The following PSME4 variants were observed in gnomAD, a reference collection of about 807,000 sequenced individuals.
The protein encoded by PSME4 is proteasome activator complex subunit 4.
PSME4 carries 89 observed loss-of-function variants against 253.9 expected under a neutral mutation model. That is an observed-to-expected ratio of 0.35 (90% confidence interval 0.30 to 0.42). The LOEUF is 0.42. Among genes scored for constraint, PSME4 ranks in the 10% least tolerant of loss-of-function variants. The probability of loss-of-function intolerance (pLI) is 1.00; values close to 1 mark genes in which losing one functional copy is unlikely to be tolerated. For synonymous variants in PSME4, 851 were observed against 759.2 expected, an observed-to-expected ratio of 1.12 and a Z score of -1.99; for missense variants, 2,014 against 2,195.2, an observed-to-expected ratio of 0.92 and a Z score of 1.65.
intron 36 of PSME4, among the ~76,000 whole-genome samples, chr2:53,890,447 T>C (rs1437113629): frequency 6.6e-6 from 1 of 152,166 alleles, no homozygotes; most frequent in Admixed American, 6.6e-5. Flanking sequence ...GCATGGACTA[T>C]AGGTGTGTGC....
chr2:53,951,099 C>T (rs1268036678), intron 1 of PSME4, among the ~76,000 whole-genome samples: 1 of 151,876 alleles, frequency 6.6e-6, no homozygotes, highest in Non-Finnish European at 1.5e-5. Context: ...TTTTTTCCCC[C>T]CAAGACACAG....
At chr2:53,932,257 T>C (rs1668867378) in intron 9 of PSME4, among the ~76,000 whole-genome samples, 157 bp from the exon 10 acceptor site, 1 of 152,016 alleles carries the variant, frequency 6.6e-6, no homozygotes, top group Admixed American at 6.6e-5. Context: ...GAATTAAAAG[T>C]TACCAATTAA....
chr2:53,897,942 G>C lies in PSME4; in HGVS notation c.3534C>G (p.Asp1178Glu). The change falls in exon 31 of 47, where the codon GAC (aspartate) becomes GAG (glutamate). Residue 1178 changes from aspartate (D) to glutamate (E), a missense_variant. Transcript: ENST00000404125. ...GTATGGCACGAAGAGGCAACACTCG[G>C]TCATCTCTCAGCAGTAGAGACAGAA... is the stretch of plus-strand genomic sequence containing the variant. ...IGLLSLLLRD[D>E]RVLPLRAIRF... 1 of 1,613,208 alleles carries C rather than the reference G, an allele frequency of 6.2e-7. No individual in the cohort carries two copies. Among genetic ancestry groups the C allele is most frequent in the Non-Finnish European group, 8.5e-7 (1 of 1,179,242 alleles).
chr2:53,960,276 G>A (rs1670422452), intron 1 of PSME4, among the ~76,000 whole-genome samples: 1 of 152,022 alleles, frequency 6.6e-6, no homozygotes, highest in Non-Finnish European at 1.5e-5. Flanking sequence ...GCGGGCGCCT[G>A]TAATCCTAGC....
At position 53,915,360 on chromosome 2, in the gene PSME4, A is replaced by C. The variant is rs147296451; in HGVS notation, c.2516+3791T>G. 5.1e-3 allele frequency among the ~76,000 whole-genome samples: 783 copies of C among 152,204 alleles called. 2 individuals are homozygous for C. The highest frequency in any genetic ancestry group is 9.4e-3 in the Non-Finnish European group (642 of 68,006). ...GGAGCTGAAGTGGGAGGATCACTTG[A>C]GCCCAGGAGATGAAGGGAGCAGTGA... is the stretch of plus-strand genomic sequence containing the variant. On this transcript the variant is annotated intron_variant, in intron 20 of 46. Transcript: ENST00000404125.
chr2:53,874,308 G>A lies in PSME4; in HGVS notation c.5100+31C>T, dbSNP rs574867168. On this transcript the variant is annotated intron_variant, in intron 43 of 46. Transcript: ENST00000404125. ...CCATGATGGTTTCTTTAAATTGACT[G>A]AATTTCCGTTTTCTATAACTTAAAT... 19 of 1,590,044 alleles carry A rather than the reference G, an allele frequency of 1.2e-5. No individual in the cohort carries two copies. In the East Asian group the frequency reaches 3.8e-4, roughly 32 times the overall value.
At chr2:53,944,162 A>C (rs1012134165) in intron 3 of PSME4, among the ~76,000 whole-genome samples, 3 of 151,888 alleles carry the variant, frequency 2.0e-5, no homozygotes, top group Non-Finnish European at 4.4e-5. Context: ...AAATCTGGTA[A>C]ATTTTTTTTT....
intron 43 of PSME4, among the ~76,000 whole-genome samples, chr2:53,873,219 T>C (rs566974229): frequency 1.8e-4 from 24 of 130,374 alleles, no homozygotes; most frequent in Middle Eastern, 9.4e-3. Flanking sequence ...CCAGCCTGGG[T>C]AACAGCGAGA....
At chr2:53,917,142 T>C (rs1256232237) in intron 20 of PSME4, 2 of 151,394 alleles carry the variant, frequency 1.3e-5, no homozygotes, top group Non-Finnish European at 2.9e-5. Context: ...TATTACTTCA[T>C]CATATTATTA....
chr2:53,963,164 A>G (rs1386942689), intron 1 of PSME4, among the ~76,000 whole-genome samples: 1 of 152,120 alleles, frequency 6.6e-6, no homozygotes, highest in Non-Finnish European at 1.5e-5. Flanking sequence ...TGTCTCAAGA[A>G]AAACTTTAAA....
chr2:53,890,913 A>G (rs368407899), intron 36 of PSME4, among the ~76,000 whole-genome samples: 2 of 152,008 alleles, frequency 1.3e-5, no homozygotes, highest in South Asian at 2.1e-4. Flanking sequence ...TGTAATCCCA[A>G]CTACTCGGGA....
At chr2:53,962,189 C>A (rs970430410) in intron 1 of PSME4, among the ~76,000 whole-genome samples, 1 of 152,096 alleles carries the variant, frequency 6.6e-6, no homozygotes, top group Non-Finnish European at 1.5e-5. Flanking sequence ...TTGCAAGGGT[C>A]TTTGAATAAA....
chr2:53,877,769 A>C (rs1679203973), intron 41 of PSME4, among the ~76,000 whole-genome samples: 1 of 152,186 alleles, frequency 6.6e-6, no homozygotes, highest in Admixed American at 6.5e-5. Context: ...GAGCTGACTT[A>C]AGTTTGGTCA....
intron 43 of PSME4, among the ~76,000 whole-genome samples, chr2:53,873,238 C>CAAAAAAAAAAAAAAAAAAAAAAAA (rs60203960): frequency 2.4e-5 from 3 of 123,144 alleles, no homozygotes; most frequent in African/African-American, 6.8e-5. Context: ...GACTCCGTCT[C>CAAAAAAAAAAAAAAAAAAAAAAAA]AAAAAAAAAG....
At chr2:53,909,071 A>G (rs1667703424) in intron 21 of PSME4, among the ~76,000 whole-genome samples, 1 of 152,150 alleles carries the variant, frequency 6.6e-6, no homozygotes, top group South Asian at 2.1e-4. Flanking sequence ...AAGAAAAATA[A>G]TAATAATAAA....
intron 3 of PSME4, among the ~76,000 whole-genome samples, chr2:53,942,751 G>A (rs756918798): frequency 6.6e-6 from 1 of 151,982 alleles, no homozygotes; most frequent in South Asian, 2.1e-4. Flanking sequence ...TTAAACTTTT[G>A]TGCTTATTTT....
In PSME4 at chr2:53,939,570, T is replaced by A. The variant is rs547744545; in HGVS notation, c.545+386A>T. Among the ~76,000 whole-genome samples the A allele has an allele frequency of 1.1e-4, 16 of 152,116 alleles. No homozygotes were observed. In the South Asian group the frequency reaches 3.3e-3, roughly 32 times the overall value. ...GCAAGGCCCCACTCTCTACAAAAAATATTGAAATAAAAAGAAAAGAATATG... is the reference window on the plus strand; with the variant it reads ...GCAAGGCCCCACTCTCTACAAAAAAAATTGAAATAAAAAGAAAAGAATATG... On this transcript the variant is annotated intron_variant, in intron 4 of 46. Coordinates refer to ENST00000404125, the MANE Select transcript of PSME4 (RefSeq NM_014614.3).
At chr2:53,949,108 C>G in intron 2 of PSME4, 35 bp downstream of exon 2, 5 of 1,527,626 alleles carry the variant, frequency 3.3e-6, no homozygotes, top group Non-Finnish European at 4.4e-6. Context: ...AAGAAACAAA[C>G]AAACCTTAAC....
intron 33 of PSME4, 100 bp from the exon 34 acceptor site, chr2:53,895,176 G>C (rs1680086255): frequency 9.9e-7 from 1 of 1,011,970 alleles, no homozygotes; most frequent in South Asian, 1.6e-5. Context: ...ACTCTAACTA[G>C]ATGCTAAGTT....
Sources: gnomAD v4.1 joint callset for allele counts (sites outside exome capture counted in the v4.1 genomes callset) on GRCh38, gnomAD v4.1.1 for gene constraint, MANE v1.5 for transcripts, NCBI Gene and HGNC (gene_info 2026-07-23, HGNC 2026-07-21) for gene names.